The following NOTCH1 variants were observed in gnomAD, a reference collection of about 807,000 sequenced individuals.
The protein encoded by NOTCH1 is notch receptor 1.
A neutral mutation model predicts 254.8 loss-of-function variants in NOTCH1; 37 were observed. The ratio of observed to expected loss-of-function variants is 0.15; its 90% CI spans 0.11 to 0.19. NOTCH1 has a LOEUF of 0.19. Among genes scored for constraint, NOTCH1 ranks in the 10% least tolerant of loss-of-function variants. The pLI, the probability that NOTCH1 is intolerant of heterozygous loss-of-function variation, is 1.00. For missense variants in NOTCH1, 2,972 were observed against 3,708.6 expected (o/e 0.80, Z 5.16); for synonymous variants, 1,731 against 1,618.1 (o/e 1.07, Z -1.68).
chr9:136,508,105 C>A lies in NOTCH1; in HGVS notation c.3360G>T (p.Gly1120=). 6.2e-7 allele frequency: 1 copy of A among 1,608,972 alleles called. No homozygotes were observed. Among genetic ancestry groups the A allele is most frequent in the Non-Finnish European group, 8.5e-7 (1 of 1,179,886 alleles). The change falls in exon 21 of 34, where the codon GGG becomes GGT. Residue 1120 remains glycine (G), a synonymous_variant. Coordinates refer to ENST00000651671, the MANE Select transcript of NOTCH1 (RefSeq NM_017617.5). ...GCGTGTTGCCCGCGTCCACACAGAG[C>A]CCTCCATGCTGGCACAGGCGGGCAA... The part of the protein sequence containing the change: ...VDVARLCQHG[G]LCVDAGNTHH...
Position 136,506,897 on chromosome 9 carries a change from G to T in NOTCH1, c.3720C>A (p.Asn1240Lys). The T allele has an allele frequency of 6.2e-7, 1 of 1,611,696 alleles. No homozygotes were observed. Among genetic ancestry groups the T allele is most frequent in the Non-Finnish European group, 8.5e-7 (1 of 1,179,426 alleles). ...DPVSRSPKCF[N>K]NGTCVDQVGG... ...CCACCTGGTCCACGCAGGTGCCGTT[G>T]TTAAAGCACTTGGGGCTCCGGGACA... The change falls in exon 23 of 34, where the codon AAC (asparagine) becomes AAA (lysine). Residue 1240 changes from asparagine (N) to lysine (K), a missense_variant. By Grantham distance (94) the Asn-to-Lys change is moderately conservative (BLOSUM62 0). This residue lies in a region of NOTCH1 where 1,343 missense variants were observed against 1,557.0 expected (regional missense o/e 0.86). Transcript: ENST00000651671. The surrounding 1 kb of genome is among the most constrained non-coding windows in gnomAD (Gnocchi z 4.5).
At position 136,518,810 on chromosome 9, in the gene NOTCH1, C is replaced by T. The variant is rs780325547; in HGVS notation, c.880G>A (p.Glu294Lys). Residue 294 changes from glutamate (E) to lysine (K), a missense_variant, in exon 6 of 34, where the codon GAG becomes AAG. Glu to Lys is a moderately conservative substitution (Grantham distance 56). Transcript: ENST00000651671. Reference protein sequence around the residue: ...PPEWTGQYCTEDVDECQLMPN... With the variant: ...PPEWTGQYCTKDVDECQLMPN... ...ATCAGCTGGCACTCGTCCACATCCT[C>T]GGTACAGTACTGACCTGCAGGGAAC... The T allele has an allele frequency of 7.4e-6, 12 of 1,612,808 alleles. No homozygotes were observed. The highest frequency in any genetic ancestry group is 6.7e-5 in the East Asian group (3 of 44,884).
chr9:136,520,513 C>T (rs1021076147), intron 4 of NOTCH1, among the ~76,000 whole-genome samples: 8 of 152,120 alleles, frequency 5.3e-5, no homozygotes, highest in Admixed American at 1.3e-4. Context: ...GTGGGTGGAT[C>T]GCTTGCGCCC....
In NOTCH1 at chr9:136,494,480, C is replaced by T. The variant is rs1842887782; in HGVS notation, c.*1591G>A. On this transcript the variant is annotated 3_prime_UTR_variant, in exon 34 of 34. Transcript: ENST00000651671. ...ATCATTTTTATTGCAAATCAGTTAA[C>T]AAAAAAGATGAAAAAAATACATCAT... The T allele has an allele frequency of 2.5e-6, 1 of 398,782 alleles. No individual in the cohort carries two copies. The highest frequency in any genetic ancestry group is 2.1e-5 in the African/African-American group (1 of 48,594). The allele number at this position is 398,782 out of a possible 1,614,324, so 24.7% of individuals were successfully genotyped here.
intron 4 of NOTCH1, among the ~76,000 whole-genome samples, chr9:136,521,749 C>T (rs755482454): frequency 4.6e-5 from 7 of 152,208 alleles, no homozygotes; most frequent in Non-Finnish European, 8.8e-5. Flanking sequence ...GGTGTCTGCA[C>T]GCAGAGGTGG....
At chr9:136,541,197 C>T (rs887441420) in intron 2 of NOTCH1, among the ~76,000 whole-genome samples, 44 of 152,272 alleles carry the variant, frequency 2.9e-4, no homozygotes, top group Non-Finnish European at 2.6e-4. Flanking sequence ...TGCTTTCTAC[C>T]TGGCCACTGG....
At position 136,545,429 on chromosome 9, in the gene NOTCH1, G is replaced by C. The variant is rs1184234643; in HGVS notation, c.61+297C>G. On this transcript the variant is annotated intron_variant, in intron 1 of 33. Transcript: ENST00000651671. The surrounding 1 kb of genome is among the most constrained non-coding windows in gnomAD (Gnocchi z 6.8). ...CCGACCGGCGGCAAGCCCCACGCGC[G>C]GCGGGTGAAGGGCGGGCCCGGAGTA... 1.3e-5 allele frequency among the ~76,000 whole-genome samples: 2 copies of C among 152,076 alleles called. No homozygotes were observed. Among genetic ancestry groups the C allele is most frequent in the Non-Finnish European group, 2.9e-5 (2 of 67,982 alleles).
intron 1 of NOTCH1, among the ~76,000 whole-genome samples, chr9:136,544,380 G>A (rs1460918993): frequency 6.6e-6 from 1 of 152,170 alleles, no homozygotes; most frequent in Non-Finnish European, 1.5e-5. Flanking sequence ...AGCAGGGTGG[G>A]GTGGCCTGAT....
Position 136,502,373 on chromosome 9 carries a change from C to G in NOTCH1, c.5283G>C (p.Arg1761=), listed in dbSNP as rs2133331332. 1 of 1,612,402 alleles carries G rather than the reference C, an allele frequency of 6.2e-7. No homozygotes were observed. The highest frequency in any genetic ancestry group is 2.2e-5 in the East Asian group (1 of 44,866). ...GCGVLLSRKR[R]RQHGQLWFPE... ...GGAACCAGAGCTGGCCATGCTGCCG[C>G]CGGCGCTTGCGGGACAGCAGCACCC... Residue 1761 remains arginine, a synonymous_variant, in exon 28 of 34, where the codon CGG becomes CGC. Transcript: ENST00000651671.
rs2133331027 is a variant in NOTCH1 at position 136,502,325 on chromosome 9, C to T, written c.5331G>A (p.Glu1777=). The T allele has an allele frequency of 1.2e-6, 2 of 1,612,538 alleles. No homozygotes were observed. Among genetic ancestry groups the T allele is most frequent in the Non-Finnish European group, 1.7e-6 (2 of 1,179,828 alleles). Residue 1777 remains glutamate (E), a synonymous_variant, in exon 28 of 34, where the codon GAG becomes GAA. Coordinates refer to ENST00000651671, the MANE Select transcript of NOTCH1 (RefSeq NM_017617.5). The part of the protein sequence containing the change: ...LWFPEGFKVS[E]ASKKKRREPL... ...GCTCCCGCCGCTTCTTCTTGCTGGCCTCAGACACTTTGAAGCCCTCAGGGA... is the reference window on the plus strand; with the variant it reads ...GCTCCCGCCGCTTCTTCTTGCTGGCTTCAGACACTTTGAAGCCCTCAGGGA...
intron 2 of NOTCH1, among the ~76,000 whole-genome samples, chr9:136,526,646 G>T (rs530642851): frequency 2.6e-5 from 4 of 152,316 alleles, no homozygotes; most frequent in African/African-American, 9.6e-5. Flanking sequence ...GTCCCTGAAT[G>T]GACCACGACA....
At position 136,533,277 on chromosome 9, in the gene NOTCH1, AGCCC is replaced by A. The variant is rs1207302218; in HGVS notation, c.141-9302_141-9299del. On this transcript the variant is annotated intron_variant, in intron 2 of 33. Coordinates refer to ENST00000651671, the MANE Select transcript of NOTCH1 (RefSeq NM_017617.5). ...AGGCCCAAGGGGGGGACTCTGGCCC[AGCCC>A]CCTCCGCGCACCAGCCAGTGCCCAG... Among the ~76,000 whole-genome samples, 20 of 141,306 alleles carry A rather than the reference AGCCC, an allele frequency of 1.4e-4. 1 individual carries two copies. The South Asian group carries it at 1.6e-3, about 11-fold the overall frequency. The allele number at this position is 141,306 out of a possible 152,430, so 92.7% of individuals were successfully genotyped here.
chr9:136,521,018 G>A (rs1843359065), intron 4 of NOTCH1, among the ~76,000 whole-genome samples: 1 of 152,190 alleles, frequency 6.6e-6, no homozygotes, highest in Admixed American at 6.5e-5. Context: ...ATCCCAGCCA[G>A]TTCCCGGGCC....
chr9:136,523,479 G>A (rs757365885), intron 3 of NOTCH1, among the ~76,000 whole-genome samples: 1 of 152,214 alleles, frequency 6.6e-6, no homozygotes. Context: ...GGGCGGCCTG[G>A]ACACAGAGGC....
At chr9:136,498,260 G>A (rs944061988) in intron 33 of NOTCH1, among the ~76,000 whole-genome samples, 18 of 151,362 alleles carry the variant, frequency 1.2e-4, no homozygotes, top group Admixed American at 1.3e-4. Flanking sequence ...GGGTTCTGGC[G>A]GCAGGGAGGT....
intron 2 of NOTCH1, among the ~76,000 whole-genome samples, chr9:136,541,238 C>T (rs1701227299): frequency 6.6e-6 from 1 of 152,152 alleles, no homozygotes; most frequent in African/African-American, 2.4e-5. Context: ...CTCTGACCTC[C>T]TGGGAAGGCA....
chr9:136,508,125 G>A lies in NOTCH1; in HGVS notation c.3340C>T (p.Arg1114Cys), dbSNP rs751398945. The A allele has an allele frequency of 5.6e-6, 9 of 1,608,028 alleles. No homozygotes were observed. The highest frequency in any genetic ancestry group is 4.4e-5 in the South Asian group (4 of 91,064). ...CAGAGCCCTCCATGCTGGCACAGGC[G>A]GGCAACGTCAACACCTGCGGGGGAT... ...AAQRQGVDVARLCQHGGLCVD... is the reference protein window; with the variant it reads ...AAQRQGVDVACLCQHGGLCVD... Residue 1114 changes from arginine to cysteine, a missense_variant, in exon 21 of 34, where the codon CGC (arginine) becomes TGC (cysteine). Around this residue, in one of 8 missense-constraint regions of NOTCH1, gnomAD observed 1,343 missense variants for 1,557.0 expected, o/e 0.86. Transcript: ENST00000651671.
chr9:136,509,691 A>G lies in NOTCH1; in HGVS notation c.2969+42T>C, dbSNP rs756721141. On this transcript the variant is annotated intron_variant, in intron 18 of 33. Coordinates refer to ENST00000651671, the MANE Select transcript of NOTCH1 (RefSeq NM_017617.5). ...CTGCCAGCTACTGCGTGTGGCCCGC[A>G]CCGCCCGTTCCCTTCCACGGCCTCA... 1.1e-5 allele frequency: 18 copies of G among 1,583,244 alleles called. No homozygotes were observed. The South Asian group carries it at 1.8e-4, about 16-fold the overall frequency.
chr9:136,539,510 T>C (rs1218805433), intron 2 of NOTCH1, among the ~76,000 whole-genome samples: 3 of 152,228 alleles, frequency 2.0e-5, no homozygotes. Context: ...TGCCTCAGCT[T>C]CCCAAGTAGC....
Sources: gnomAD v4.1 joint callset for allele counts (sites outside exome capture counted in the v4.1 genomes callset) on GRCh38, gnomAD v4.1.1 for gene constraint, gnomAD v4.1.1 regional missense constraint, Gnocchi (gnomAD v3.1) non-coding constraint, MANE v1.5 for transcripts, NCBI Gene and HGNC (gene_info 2026-07-23, HGNC 2026-07-21) for gene names.